STAB1: variants seen among roughly 807,000 people sequenced by gnomAD.
STAB1 encodes stabilin 1.
Under a neutral mutation model 332.4 loss-of-function variants are expected in STAB1, and 250 were observed. The observed-to-expected ratio is 0.75, with a 90% CI of 0.68 to 0.84. The LOEUF is 0.84. STAB1 is among the 40% of genes least tolerant of loss of function. The pLI is 0.00. For synonymous variants in STAB1, 1,475 were observed against 1,390.4 expected, an observed-to-expected ratio of 1.06 and a Z score of -1.35; for missense variants, 3,249 against 3,489.7, an observed-to-expected ratio of 0.93 and a Z score of 1.74.
In STAB1 at chr3:52,515,013, A is replaced by G; in HGVS notation, c.3832A>G (p.Arg1278Gly). The G allele has an allele frequency of 1.2e-6, 2 of 1,613,538 alleles. No individual in the cohort carries two copies. Among genetic ancestry groups the G allele is most frequent in the Non-Finnish European group, 1.7e-6 (2 of 1,180,004 alleles). Reference sequence around the variant, plus strand: ...GGAGAAATGTGTAAACTGCACCAGGAGATTCCGCTGCACTCAGGGCTTCCA... The same window carrying G: ...GGAGAAATGTGTAAACTGCACCAGGGGATTCCGCTGCACTCAGGGCTTCCA... The part of the protein sequence containing the change: ...LREKCVNCTR[R>G]FRCTQGFQLQ... The change falls in exon 36 of 69, where the codon AGA (arginine) becomes GGA (glycine). Residue 1278 changes from arginine to glycine, a missense_variant. By Grantham distance (125) the Arg-to-Gly change is moderately radical. Coordinates refer to ENST00000321725, the MANE Select transcript of STAB1 (RefSeq NM_015136.3).
Position 52,524,453 on chromosome 3 carries a change from A to G in STAB1, c.*97A>G. On this transcript the variant is annotated 3_prime_UTR_variant, in exon 69 of 69. Coordinates refer to ENST00000321725, the MANE Select transcript of STAB1 (RefSeq NM_015136.3). ...GCAGGAGGGGCTGAGGGCCTGTCCC[A>G]GACAATAAAGGTGCCCTCAGCGGAT... 1.2e-6 allele frequency: 2 copies of G among 1,612,566 alleles called. No individual in the cohort carries two copies. The highest frequency in any genetic ancestry group is 1.7e-6 in the Non-Finnish European group (2 of 1,179,822).
rs755402028 is a variant in STAB1, at chr3:52,519,323, C to G, written c.5094C>G (p.Asn1698Lys). The G allele has an allele frequency of 6.2e-7, 1 of 1,613,152 alleles. No homozygotes were observed. Among genetic ancestry groups the G allele is most frequent in the Non-Finnish European group, 8.5e-7 (1 of 1,179,998 alleles). ...TGAGCAGCGACCATGAGGCCGTGAA[C>G]GGCATCCTGCACTTCATTGACCGTG... Reference protein sequence around the residue: ...RVVSSDHEAVNGILHFIDRVL... With the variant: ...RVVSSDHEAVKGILHFIDRVL... The change falls in exon 49 of 69, where the codon AAC (asparagine) becomes AAG (lysine). Residue 1698 changes from asparagine to lysine, a missense_variant. Transcript: ENST00000321725.
intron 20 of STAB1, 72 bp downstream of exon 20, chr3:52,508,098 G>A: frequency 6.8e-7 from 1 of 1,471,422 alleles, no homozygotes. Context: ...CCCCAAGCTG[G>A]GGCTGAGTGG....
intron 26 of STAB1, 38 bp downstream of exon 26, chr3:52,511,783 T>G: frequency 1.3e-6 from 2 of 1,503,350 alleles, no homozygotes; most frequent in Non-Finnish European, 1.8e-6. Context: ...GGGGAAGCTT[T>G]CTGGGGTGAG....
In STAB1 at chr3:52,502,716, A is replaced by G. The variant is rs773416310; in HGVS notation, c.572A>G (p.His191Arg). 1 of 1,613,246 alleles carries G rather than the reference A, an allele frequency of 6.2e-7. No individual in the cohort carries two copies. Among genetic ancestry groups the G allele is most frequent in the Non-Finnish European group, 8.5e-7 (1 of 1,179,740 alleles). Residue 191 changes from histidine (H) to arginine (R), a missense_variant, in exon 6 of 69, where the codon CAC becomes CGC. His to Arg is a conservative substitution (Grantham distance 29, BLOSUM62 0). Transcript: ENST00000321725. ...CLCFAGYTGP[H>R]CDQELPVCQE... Reference sequence around the variant, plus strand: ...TGCTTTGCTGGATACACTGGCCCCCACTGTGATCAAGGTGAGCAGCGCCAC... The same window carrying G: ...TGCTTTGCTGGATACACTGGCCCCCGCTGTGATCAAGGTGAGCAGCGCCAC...
intron 20 of STAB1, 40 bp from the exon 21 acceptor site, chr3:52,508,233 G>C (rs1462307644): frequency 6.3e-7 from 1 of 1,576,864 alleles, no homozygotes; most frequent in South Asian, 1.1e-5. Context: ...GGGAGGGCAT[G>C]GACCCAGATG....
chr3:52,517,059 G>A lies in STAB1; in HGVS notation c.4439G>A (p.Arg1480Gln), dbSNP rs144391932. Residue 1480 changes from arginine (R) to glutamine (Q), a missense_variant, in exon 42 of 69, where the codon CGG becomes CAG. Arg to Gln is a conservative substitution (Grantham distance 43). Transcript: ENST00000321725. ...TGTACCAAGGTGGCACCTGGGCAGCGGACATGCACCTGCCAGGATGGCTAC... is the reference window on the plus strand; with the variant it reads ...TGTACCAAGGTGGCACCTGGGCAGCAGACATGCACCTGCCAGGATGGCTAC... ...ANCTKVAPGQ[R>Q]TCTCQDGYMG... 1.6e-5 allele frequency: 26 copies of A among 1,599,214 alleles called. No individual in the cohort carries two copies. Among genetic ancestry groups the A allele is most frequent in the Middle Eastern group, 3.3e-4 (2 of 5,994 alleles).
chr3:52,509,406 G>A (rs1209693407), intron 22 of STAB1, 85 bp downstream of exon 22: 2 of 1,204,160 alleles, frequency 1.7e-6, no homozygotes, highest in Non-Finnish European at 1.2e-6. Flanking sequence ...GAAGGGAAAC[G>A]AAGCCCCAGG....
Position 52,502,303 on chromosome 3 carries a change from G to A in STAB1, c.487+75G>A, listed in dbSNP as rs1708512441. 5 of 1,478,424 alleles carry A rather than the reference G, an allele frequency of 3.4e-6. No homozygotes were observed. The South Asian group carries it at 3.5e-5, about 10-fold the overall frequency. 91.6% of individuals were successfully genotyped at this position (1,478,424 alleles called of 1,614,324 possible). On this transcript the variant is annotated intron_variant, in intron 5 of 68. Coordinates refer to ENST00000321725, the MANE Select transcript of STAB1 (RefSeq NM_015136.3). ...CACGCAGATGCAGTACCTACAACCA[G>A]CTCCCACCTGTCCCTTCAGCCTCTG...
Position 52,504,458 on chromosome 3 carries a change from C to T in STAB1, c.1151-3C>T, listed in dbSNP as rs189501608. The stretch of plus-strand genomic sequence containing the variant: ...TCTGATGCTCCCTCACCCTGCCCCC[C>T]AGACCAGGGCTGCCGGGAAATCCTT... On this transcript the variant is annotated splice_region_variant and splice_polypyrimidine_tract_variant and intron_variant, in intron 10 of 68. Coordinates refer to ENST00000321725, the MANE Select transcript of STAB1 (RefSeq NM_015136.3). 30 of 1,613,984 alleles carry T rather than the reference C, an allele frequency of 1.9e-5. No individual in the cohort carries two copies. The highest frequency in any genetic ancestry group is 6.7e-5 in the Admixed American group (4 of 60,022).
chr3:52,500,140 C>T lies in STAB1; in HGVS notation c.79-1026C>T, dbSNP rs531003079. 3.9e-5 allele frequency among the ~76,000 whole-genome samples: 6 copies of T among 152,290 alleles called. 1 individual carries two copies. In the South Asian group the frequency reaches 1.2e-3, roughly 32 times the overall value. ...CTCTGCCTCACCCAGGTTTACGGAGCTCCTGCACCCCAGCTGCCAGCCCCT... is the reference window on the plus strand; with the variant it reads ...CTCTGCCTCACCCAGGTTTACGGAGTTCCTGCACCCCAGCTGCCAGCCCCT... On this transcript the variant is annotated intron_variant, in intron 1 of 68. Transcript: ENST00000321725.
At chr3:52,516,906 TTCTC>T in intron 41 of STAB1, 74 bp from the exon 42 acceptor site, 1 of 1,601,492 alleles carries the variant, frequency 6.2e-7, no homozygotes, top group Non-Finnish European at 8.5e-7. Context: ...ACCTTTTCCT[TTCTC>T]TCACGCCCTC....
chr3:52,499,893 C>A (rs1334070527), intron 1 of STAB1, among the ~76,000 whole-genome samples: 1 of 32,424 alleles, frequency 3.1e-5, no homozygotes, highest in African/African-American at 1.2e-4. Context: ...AGCGAGACTC[C>A]ATCTCAAAAA....
chr3:52,520,738 G>T (rs1267490698), intron 54 of STAB1, 40 bp downstream of exon 54: 12 of 1,612,378 alleles, frequency 7.4e-6, no homozygotes, highest in Non-Finnish European at 9.3e-6. Context: ...TGGGGTGGGG[G>T]CAGGCAGAGC....
At chr3:52,495,567 C>T (rs1485863701) in intron 1 of STAB1, 76 bp downstream of exon 1, 1 of 1,210,374 alleles carries the variant, frequency 8.3e-7, no homozygotes, top group Non-Finnish European at 1.1e-6. Flanking sequence ...GAGGGACTGA[C>T]ATGGAGGGGC....
rs1447867943 is a variant in STAB1 at position 52,508,039 on chromosome 3, A to T, written c.2148+13A>T. The T allele has an allele frequency of 1.9e-6, 3 of 1,610,924 alleles. No homozygotes were observed. The African/African-American group carries it at 4.0e-5, about 22-fold the overall frequency. Reference sequence around the variant, plus strand: ...CCAAACCATCATGGTAAGCGTGGGCATGGGTGCCCACTCCCAGGTCACCTG... The same window carrying T: ...CCAAACCATCATGGTAAGCGTGGGCTTGGGTGCCCACTCCCAGGTCACCTG... On this transcript the variant is annotated intron_variant, in intron 20 of 68. Coordinates refer to ENST00000321725, the MANE Select transcript of STAB1 (RefSeq NM_015136.3).
Position 52,515,485 on chromosome 3 carries a change from C to G in STAB1, c.3927C>G (p.Tyr1309Ter). 1 of 1,613,482 alleles carries G rather than the reference C, an allele frequency of 6.2e-7. No homozygotes were observed. The highest frequency in any genetic ancestry group is 8.5e-7 in the Non-Finnish European group (1 of 1,180,028). Residue 1309 changes from tyrosine (Y) to a stop codon, truncating the protein, a stop_gained, in exon 37 of 69, where the codon TAC becomes TAG. Coordinates refer to ENST00000321725, the MANE Select transcript of STAB1 (RefSeq NM_015136.3). LOFTEE classifies it high-confidence loss of function. Reference sequence around the variant, plus strand: ...TCTCCTTCTCCCGGGGCTGCTCTTACACATGTGCCAAGAAGATCCAGGTTT... The same window carrying G: ...TCTCCTTCTCCCGGGGCTGCTCTTAGACATGTGCCAAGAAGATCCAGGTTT... The part of the protein sequence containing the change: ...SGFSFSRGCS[Y>*]TCAKKIQVPD...
intron 36 of STAB1, 68 bp downstream of exon 36, chr3:52,515,113 C>A: frequency 6.4e-7 from 1 of 1,569,942 alleles, no homozygotes; most frequent in Admixed American, 1.8e-5. Context: ...GGTGCCCAAT[C>A]CCCTCACCCT....
In STAB1 at chr3:52,509,224, C is replaced by T; in HGVS notation, c.2250C>T (p.Ile750=). 6.2e-7 allele frequency: 1 copy of T among 1,613,584 alleles called. No individual in the cohort carries two copies. The highest frequency in any genetic ancestry group is 8.5e-7 in the Non-Finnish European group (1 of 1,179,918). Residue 750 remains isoleucine (I), a synonymous_variant, in exon 22 of 69, where the codon ATC becomes ATT. Transcript: ENST00000321725. Reference sequence around the variant, plus strand: ...TCACTCTCTAGTGCAGTGATGGGATCCAGGGCAATGGGGCCTGCCTCTGCT... The same window carrying T: ...TCACTCTCTAGTGCAGTGATGGGATTCAGGGCAATGGGGCCTGCCTCTGCT... The part of the protein sequence containing the change: ...CYGKGNCSDG[I]QGNGACLCFP...
Sources: allele counts gnomAD v4.1 joint callset (sites outside exome capture counted in the v4.1 genomes callset), GRCh38; gene constraint gnomAD v4.1.1; transcripts MANE v1.5; gene names NCBI Gene and HGNC (gene_info 2026-07-23, HGNC 2026-07-21).